MTTP: variants seen among roughly 807,000 people sequenced by gnomAD.
MTTP encodes microsomal triglyceride transfer protein.
In MTTP, 49 loss-of-function variants were observed where a neutral mutation model predicts 90.6. That is an observed-to-expected ratio of 0.54 (90% CI 0.43 to 0.69). The LOEUF is 0.69. MTTP is among the 30% of genes least tolerant of loss of function. The pLI, the probability that MTTP is intolerant of heterozygous loss-of-function variation, is 0.00. For synonymous variants in MTTP, 347 were observed against 384.2 expected (o/e 0.90, Z 1.13); for missense variants, 945 against 1,067.5 (o/e 0.89, Z 1.60).
At chr4:99,594,379 A>G (rs1241163106) in intron 6 of MTTP, among the ~76,000 whole-genome samples, 1 of 152,232 alleles carries the variant, frequency 6.6e-6, no homozygotes, top group Non-Finnish European at 1.5e-5. Flanking sequence ...TGTCTTGGTT[A>G]ATAAGTAACA....
At position 99,612,966 on chromosome 4, in the gene MTTP, G is replaced by C. The variant is rs145444300; in HGVS notation, c.2043G>C (p.Glu681Asp). The change falls in exon 15 of 18, where the codon GAG (glutamate) becomes GAC (aspartate). Residue 681 changes from glutamate to aspartate, a missense_variant. By Grantham distance (45) the Glu-to-Asp change is conservative. Coordinates refer to ENST00000265517, the MANE Select transcript of MTTP (RefSeq NM_001386140.1). ...LEALIAATPD[E>D]GEENLDSYAG... Reference sequence around the variant, plus strand: ...CCTTAATCGCAGCCACCCCTGACGAGGGGGAGGAGAACCTTGACTCCTATG... The same window carrying C: ...CCTTAATCGCAGCCACCCCTGACGACGGGGAGGAGAACCTTGACTCCTATG... 1.7e-5 allele frequency: 27 copies of C among 1,613,942 alleles called. No homozygotes were observed. The South Asian group carries it at 2.1e-4, about 12-fold the overall frequency.
intron 12 of MTTP, among the ~76,000 whole-genome samples, chr4:99,610,679 T>C (rs1306168908): frequency 6.6e-6 from 1 of 152,182 alleles, no homozygotes; most frequent in East Asian, 1.9e-4. Context: ...ATTGGAAACT[T>C]CACAGATATA....
rs1725155053 is a variant in MTTP, at chr4:99,582,916, T to C, written c.250-458T>C. Reference sequence around the variant, plus strand: ...ATCATCCATCTCTCTGAGCCATTTCTCAATACAACAGTAAACTGTTCTCCA... The same window carrying C: ...ATCATCCATCTCTCTGAGCCATTTCCCAATACAACAGTAAACTGTTCTCCA... On this transcript the variant is annotated intron_variant, in intron 2 of 17. Coordinates refer to ENST00000265517, the MANE Select transcript of MTTP (RefSeq NM_001386140.1). Among the ~76,000 whole-genome samples, 4 of 152,186 alleles carry C rather than the reference T, an allele frequency of 2.6e-5. No individual in the cohort carries two copies. In the South Asian group the frequency reaches 8.3e-4, roughly 31 times the overall value.
chr4:99,581,426 G>A (rs1197308316), intron 1 of MTTP, among the ~76,000 whole-genome samples: 1 of 152,164 alleles, frequency 6.6e-6, no homozygotes, highest in African/African-American at 2.4e-5. Context: ...CTGAAGAGAT[G>A]TTTCTTAAAT....
chr4:99,622,732 A>G lies in MTTP; in HGVS notation c.2569A>G (p.Lys857Glu), dbSNP rs774165248. Residue 857 changes from lysine to glutamate, a missense_variant, in exon 18 of 18, where the codon AAA (lysine) becomes GAA (glutamate). Coordinates refer to ENST00000265517, the MANE Select transcript of MTTP (RefSeq NM_001386140.1). ...CACAGGCAGAGGTTATGTCTCTCAGAAAAGAAAAGAAAGCGTATTAGCAGG... is the reference window on the plus strand; with the variant it reads ...CACAGGCAGAGGTTATGTCTCTCAGGAAAGAAAAGAAAGCGTATTAGCAGG... ...LSTGRGYVSQ[K>E]RKESVLAGCE... 1.2e-6 allele frequency: 2 copies of G among 1,614,108 alleles called. No homozygotes were observed. Among genetic ancestry groups the G allele is most frequent in the South Asian group, 2.2e-5 (2 of 91,090 alleles).
rs1725450168 is a variant in MTTP, at chr4:99,592,455, T to C, written c.758+665T>C. ...GTAATAACACATAGTTTAAAACACA[T>C]TGTATAGGTGTACAAAAAATATTTT... On this transcript the variant is annotated intron_variant, in intron 6 of 17. Transcript: ENST00000265517. Among the ~76,000 whole-genome samples, 2 of 151,944 alleles carry C rather than the reference T, an allele frequency of 1.3e-5. 1 individual carries two copies. Among genetic ancestry groups the C allele is most frequent in the South Asian group, 4.1e-4 (2 of 4,828 alleles).
chr4:99,608,946 C>A lies in MTTP; in HGVS notation c.1738C>A (p.Gln580Lys). 2 of 1,614,064 alleles carry A rather than the reference C, an allele frequency of 1.2e-6. No individual in the cohort carries two copies. Among genetic ancestry groups the A allele is most frequent in the South Asian group, 2.2e-5 (2 of 91,060 alleles). ...EMNKYMLAIV[Q>K]DILRFEMPAS... ...GAATAAATACATGCTCGCCATTGTT[C>A]AAGACATCCTACGTTTTGAAATGCC... Residue 580 changes from glutamine to lysine, a missense_variant, in exon 12 of 18, where the codon CAA becomes AAA. Gln to Lys is a moderately conservative substitution (Grantham distance 53, BLOSUM62 1). Coordinates refer to ENST00000265517, the MANE Select transcript of MTTP (RefSeq NM_001386140.1).
At chr4:99,600,892 C>T (rs186506981) in intron 9 of MTTP, among the ~76,000 whole-genome samples, 159 bp downstream of exon 9, 75 of 152,242 alleles carry the variant, frequency 4.9e-4, no homozygotes, top group Non-Finnish European at 8.4e-4. Flanking sequence ...TAATTATTAA[C>T]TGTATAATAA....
At chr4:99,618,907 T>G in intron 15 of MTTP, 67 bp from the exon 16 acceptor site, 1 of 1,580,258 alleles carries the variant, frequency 6.3e-7, no homozygotes, top group Non-Finnish European at 8.6e-7. Flanking sequence ...AAATGTGCCA[T>G]TGGAAAGGGG....
At chr4:99,593,211 A>C (rs1035581432) in intron 6 of MTTP, among the ~76,000 whole-genome samples, 1 of 152,198 alleles carries the variant, frequency 6.6e-6, no homozygotes, top group African/African-American at 2.4e-5. Context: ...AATTCACGGC[A>C]CATGGTAAAT....
chr4:99,594,647 T>C (rs1725506068), intron 6 of MTTP, 86 bp from the exon 7 acceptor site: 1 of 1,495,158 alleles, frequency 6.7e-7, no homozygotes, highest in Non-Finnish European at 9.3e-7. Context: ...TAAATTACTA[T>C]CTTGTTTGCC....
intron 10 of MTTP, among the ~76,000 whole-genome samples, 191 bp from the exon 11 acceptor site, chr4:99,606,557 T>TA (rs1284622542): frequency 2.6e-5 from 4 of 152,110 alleles, no homozygotes; most frequent in Admixed American, 6.6e-5. Flanking sequence ...GTATTTTTTT[T>TA]AAAAAAAGCA....
At chr4:99,593,118 T>C (rs1280203278) in intron 6 of MTTP, among the ~76,000 whole-genome samples, 2 of 152,194 alleles carry the variant, frequency 1.3e-5, no homozygotes, top group Non-Finnish European at 2.9e-5. Context: ...ACTGTATTTA[T>C]TGTGCTTCCT....
chr4:99,603,433 T>C (rs1296835149), intron 10 of MTTP, among the ~76,000 whole-genome samples: 2 of 152,108 alleles, frequency 1.3e-5, no homozygotes, highest in African/African-American at 4.8e-5. Context: ...TTAGAGTTAG[T>C]GAGATCTGAC....
chr4:99,598,952 C>T (rs575500727), intron 8 of MTTP, among the ~76,000 whole-genome samples: 22 of 152,214 alleles, frequency 1.4e-4, no homozygotes, highest in East Asian at 3.9e-4. Flanking sequence ...CGTGAGCCAC[C>T]GCACATGGCC....
At chr4:99,618,952 T>C (rs769038597) in intron 15 of MTTP, 22 bp from the exon 16 acceptor site, 7 of 1,608,706 alleles carry the variant, frequency 4.4e-6, no homozygotes, top group Non-Finnish European at 6.0e-6. Context: ...TTTATAACTA[T>C]TATTATGCTT....
At position 99,623,085 on chromosome 4, in the gene MTTP, C is replaced by A. The variant is rs923479567; in HGVS notation, c.*237C>A. ...CAACAACGTTCTTAGTTTACTTATACCTCTCTCAAATCTCATTTGGTACAG... is the reference window on the plus strand; with the variant it reads ...CAACAACGTTCTTAGTTTACTTATAACTCTCTCAAATCTCATTTGGTACAG... On this transcript the variant is annotated 3_prime_UTR_variant, in exon 18 of 18. Transcript: ENST00000265517. The A allele has an allele frequency of 1.8e-6, 1 of 547,560 alleles. No homozygotes were observed. The highest frequency in any genetic ancestry group is 1.9e-5 in the African/African-American group (1 of 52,914). 33.9% of individuals were successfully genotyped at this position (547,560 alleles called of 1,614,324 possible). A position where few individuals can be genotyped will look rare whatever the true frequency, so the allele number is the denominator to read the frequency against.
At chr4:99,570,076 C>T (rs1371900626), upstream of MTTP, among the ~76,000 whole-genome samples, 1 of 151,746 alleles carries the variant, frequency 6.6e-6, no homozygotes, top group Non-Finnish European at 1.5e-5. Context: ...TATTAAGAGC[C>T]AGTGTGTTTC....
chr4:99,608,621 G>C (rs984152575), intron 11 of MTTP, 145 bp from the exon 12 acceptor site: 65 of 717,916 alleles, frequency 9.1e-5, no homozygotes, highest in Non-Finnish European at 1.5e-4. Flanking sequence ...AACTAGTCAC[G>C]TGGCCCCCAC....
Sources: gnomAD v4.1 joint callset for allele counts (sites outside exome capture counted in the v4.1 genomes callset) on GRCh38, gnomAD v4.1.1 for gene constraint, MANE v1.5 for transcripts, NCBI Gene and HGNC (gene_info 2026-07-23, HGNC 2026-07-21) for gene names.